Variants in EGF observed in about 807,000 individuals in gnomAD.
The protein encoded by EGF is pro-epidermal growth factor.
A neutral mutation model predicts 143.8 loss-of-function variants in EGF; 95 were observed. The observed-to-expected ratio is 0.66, with a 90% CI of 0.56 to 0.78. The LOEUF (loss-of-function observed/expected upper bound fraction) is 0.78, where lower values mean the gene tolerates loss of function less well. Ranked by LOEUF, EGF falls within the 30% of genes least tolerant of loss-of-function variation. EGF has a pLI of 0.00. For synonymous variants in EGF, 510 were observed against 510.5 expected (o/e 1.00, Z 0.01); for missense variants, 1,320 against 1,470.9 (o/e 0.90, Z 1.68).
intron 22 of EGF, 26 bp downstream of exon 22, chr4:110,004,648 A>G: frequency 5.0e-6 from 8 of 1,603,146 alleles, no homozygotes; most frequent in Non-Finnish European, 6.8e-6. Context: ...CAGATGAAGC[A>G]AGGAATTGGC....
intron 17 of EGF, among the ~76,000 whole-genome samples, 200 bp downstream of exon 17, chr4:109,988,060 G>C (rs1048278215): frequency 2.2e-4 from 34 of 152,010 alleles, no homozygotes; most frequent in Non-Finnish European, 1.5e-4. Context: ...AATACATTGA[G>C]TTTATAGTAA....
rs113525850 is a variant in EGF, at chr4:109,944,205, C to T, written c.737+136C>T. On this transcript the variant is annotated intron_variant, in intron 4 of 23. Coordinates refer to ENST00000265171, the MANE Select transcript of EGF (RefSeq NM_001963.6). ...TGAATCCAAAAGACTTGAGTTTGGC[C>T]GGGCGCGGCGGATCACGAGGTCAGG... 8.2e-5 allele frequency: 76 copies of T among 931,848 alleles called. 1 individual carries two copies. In the African/African-American group the frequency reaches 9.0e-4, roughly 11 times the overall value. The allele number at this position is 931,848 out of a possible 1,614,324, so 57.7% of individuals were successfully genotyped here.
At chr4:109,991,220 T>TATA (rs10649107) in intron 18 of EGF, among the ~76,000 whole-genome samples, 7 of 151,892 alleles carry the variant, frequency 4.6e-5, no homozygotes, top group African/African-American at 1.7e-4. Context: ...AACATTTTAA[T>TATA]ATCAGTGTAA....
chr4:109,917,611 T>C (rs953514880), intron 1 of EGF, among the ~76,000 whole-genome samples: 42 of 152,008 alleles, frequency 2.8e-4, no homozygotes, highest in African/African-American at 9.7e-4. Flanking sequence ...ATGTGATCAG[T>C]TGGTTTTTTA....
At position 110,013,618 on chromosome 4, in the gene EGF, C is replaced by T. The variant is rs1328831050; in HGVS notation, c.*2163C>T. On this transcript the variant is annotated 3_prime_UTR_variant, in exon 24 of 24. Coordinates refer to ENST00000265171, the MANE Select transcript of EGF (RefSeq NM_001963.6). The stretch of plus-strand genomic sequence containing the variant: ...GTAAAAACTTGATTTGTGTTTTTTC[C>T]AGACTGAATACTTTTCCTCCCTAAC... Among the ~76,000 whole-genome samples, 1 of 151,958 alleles carries T rather than the reference C, an allele frequency of 6.6e-6. No individual in the cohort carries two copies. The highest frequency in any genetic ancestry group is 1.5e-5 in the Non-Finnish European group (1 of 68,002).
At chr4:109,994,109 G>A (rs1751432903) in intron 19 of EGF, among the ~76,000 whole-genome samples, 1 of 150,860 alleles carries the variant, frequency 6.6e-6, no homozygotes, top group African/African-American at 2.4e-5. Context: ...TTATATTTAT[G>A]TAGTCAGCTG....
rs148810177 is a variant in EGF at position 109,944,062 on chromosome 4, C to T, written c.730C>T (p.Pro244Ser). The change falls in exon 4 of 24, where the codon CCA (proline) becomes TCA (serine). Residue 244 changes from proline (P) to serine (S), a missense_variant. Physicochemically the swap from Pro to Ser is moderately conservative, Grantham distance 74. This residue lies in a region of EGF where 1,186 missense variants were observed against 1,313.7 expected (regional missense o/e 0.90). Coordinates refer to ENST00000265171, the MANE Select transcript of EGF (RefSeq NM_001963.6). ...AGGTTCTGTCCACATTAGTAAACAT[C>T]CAACACAGTAAGTTTTACTCTTGGT... is the stretch of plus-strand genomic sequence containing the variant. The part of the protein sequence containing the change: ...DGGSVHISKH[P>S]TQHNLFAMSL... The T allele has an allele frequency of 6.3e-5, 101 of 1,613,564 alleles. No individual in the cohort carries two copies. The highest frequency in any genetic ancestry group is 7.4e-5 in the Non-Finnish European group (87 of 1,179,720).
At chr4:109,928,320 G>C (rs954288708) in intron 1 of EGF, among the ~76,000 whole-genome samples, 1 of 152,176 alleles carries the variant, frequency 6.6e-6, no homozygotes, top group Non-Finnish European at 1.5e-5. Context: ...AAAGAGTAGG[G>C]TAAGGTGGGG....
In EGF at chr4:110,004,618, C is replaced by T. The variant is rs1753013866; in HGVS notation, c.3287C>T (p.Pro1096Leu). Residue 1096 changes from proline to leucine, a missense_variant, in exon 22 of 24, where the codon CCT (proline) becomes CTT (leucine). Physicochemically the swap from Pro to Leu is moderately conservative, Grantham distance 98. Coordinates refer to ENST00000265171, the MANE Select transcript of EGF (RefSeq NM_001963.6). ...TEDGMSSCPQ[P>L]WFVVIKEHQD... Reference sequence around the variant, plus strand: ...GATGGGATGTCCTCTTGCCCTCAACCTTGGGTAATGTGACCAAAGCAGATG... The same window carrying T: ...GATGGGATGTCCTCTTGCCCTCAACTTTGGGTAATGTGACCAAAGCAGATG... The T allele has an allele frequency of 6.2e-7, 1 of 1,613,756 alleles. No individual in the cohort carries two copies. The highest frequency in any genetic ancestry group is 1.3e-5 in the African/African-American group (1 of 75,008).
At chr4:109,968,665 T>A in intron 10 of EGF, 1 of 352,646 alleles carries the variant, frequency 2.8e-6, no homozygotes, top group Non-Finnish European at 5.3e-6. Flanking sequence ...TATATTTATA[T>A]CTATATACAT....
intron 1 of EGF, among the ~76,000 whole-genome samples, chr4:109,932,379 AT>A (rs35647377): frequency 0.055 from 6,241 of 113,394 alleles, 520 homozygotes; most frequent in African/African-American, 0.21. Context: ...ATATATATAA[AT>A]TTTTTTTTTT....
Position 109,980,923 on chromosome 4 carries a change from A to G in EGF, c.2319A>G (p.Lys773=). 1 of 1,614,126 alleles carries G rather than the reference A, an allele frequency of 6.2e-7. No individual in the cohort carries two copies. Among genetic ancestry groups the G allele is most frequent in the Non-Finnish European group, 8.5e-7 (1 of 1,179,998 alleles). ...AWCSCREGFM[K]ASDGKTCLAL... is the part of the protein sequence containing the mutation. ...GTTCGTGTCGTGAAGGTTTTATGAA[A>G]GCCTCAGATGGGAAAACGTGTCTGG... The change falls in exon 15 of 24, where the codon AAA becomes AAG. Residue 773 remains lysine, a synonymous_variant. Transcript: ENST00000265171.
intron 17 of EGF, 93 bp downstream of exon 17, chr4:109,987,953 A>T (rs74639795): frequency 5.0e-6 from 5 of 991,642 alleles, no homozygotes; most frequent in Non-Finnish European, 8.1e-6. Context: ...AGAAGGATTT[A>T]TGTAATCAGC....
chr4:109,948,261 A>G (rs1743196571), intron 5 of EGF, among the ~76,000 whole-genome samples: 2 of 152,166 alleles, frequency 1.3e-5, no homozygotes, highest in African/African-American at 4.8e-5. Flanking sequence ...CACTTCACAC[A>G]TACTCCACAG....
chr4:109,990,153 T>C (rs6827914), intron 18 of EGF, among the ~76,000 whole-genome samples: 148,409 of 152,234 alleles, frequency 0.97, 72,368 homozygotes, highest in East Asian at 1. Flanking sequence ...TTGGGCCATC[T>C]GGGATAGCAA....
chr4:109,942,133 T>C (rs529093472), intron 2 of EGF, among the ~76,000 whole-genome samples: 1 of 152,364 alleles, frequency 6.6e-6, no homozygotes. Flanking sequence ...TCTGGTAGTA[T>C]AGTTTCAAAC....
chr4:109,978,677 G>A (rs868800621), intron 13 of EGF, among the ~76,000 whole-genome samples: 9 of 152,316 alleles, frequency 5.9e-5, no homozygotes, highest in Middle Eastern at 6.8e-3. Context: ...ATGTGTGAAT[G>A]TACTTAACAC....
intron 20 of EGF, among the ~76,000 whole-genome samples, chr4:109,999,097 A>C (rs1318298233): frequency 6.6e-6 from 1 of 152,232 alleles, no homozygotes; most frequent in African/African-American, 2.4e-5. Context: ...TCATTGAAGA[A>C]AATAGGCAAA....
chr4:109,916,212 G>A (rs981601748), intron 1 of EGF, among the ~76,000 whole-genome samples: 11 of 152,134 alleles, frequency 7.2e-5, no homozygotes, highest in African/African-American at 1.9e-4. Context: ...CGGCTAAGGC[G>A]TGGTCAGCAT....
Sources: allele counts gnomAD v4.1 joint callset (sites outside exome capture counted in the v4.1 genomes callset), GRCh38; gene constraint gnomAD v4.1.1; regional missense constraint gnomAD v4.1.1; transcripts MANE v1.5; gene names NCBI Gene and HGNC (gene_info 2026-07-23, HGNC 2026-07-21).